MED14: variants seen among roughly 807,000 people sequenced by gnomAD.
MED14 encodes mediator of RNA polymerase II transcription subunit 14.
A neutral mutation model predicts 109.0 loss-of-function variants in MED14; 8 were observed. The ratio of observed to expected loss-of-function variants is 0.07; its 90% CI spans 0.04 to 0.13. The LOEUF (loss-of-function observed/expected upper bound fraction) is 0.13, where lower values mean the gene tolerates loss of function less well. MED14 is among the 10% of genes least tolerant of loss of function. The pLI is 1.00. For missense variants in MED14, 711 were observed against 1,142.4 expected, an observed-to-expected ratio of 0.62 and a Z score of 5.44; for synonymous variants, 399 against 408.7, an observed-to-expected ratio of 0.98 and a Z score of 0.29.
chrX:40,701,046 T>G, intron 12 of MED14, 119 bp downstream of exon 12: 1 of 450,845 alleles, frequency 2.2e-6, no homozygotes, highest in Non-Finnish European at 3.7e-6. Context: ...AAACGGCACT[T>G]AAGTTTCATG....
At chrX:40,701,633 C>A (rs1443573786) in intron 11 of MED14, among the ~76,000 whole-genome samples, 1 of 111,252 alleles carries the variant, frequency 9.0e-6, no homozygotes, top group Non-Finnish European at 1.9e-5. Context: ...ATCATAAAAA[C>A]AAAAAACTCC....
intron 28 of MED14, among the ~76,000 whole-genome samples, chrX:40,657,079 G>A (rs1251762632): frequency 9.0e-6 from 1 of 111,018 alleles, no homozygotes; most frequent in African/African-American, 3.3e-5. Context: ...AGTAGAGATG[G>A]AGTTTCACCA....
At chrX:40,694,206 AT>A (rs775555462) in intron 13 of MED14, among the ~76,000 whole-genome samples, 2 of 111,342 alleles carry the variant, frequency 1.8e-5, no homozygotes, top group East Asian at 5.7e-4. Context: ...GCCTATCTTT[AT>A]TTTTGTGATG....
Position 40,680,141 on chromosome X carries a change from G to C in MED14, c.2611-8C>G. The stretch of plus-strand genomic sequence containing the variant: ...CTGAGTATCAAACAGTACCTATAAG[G>C]AACAAACACAGTGAGAGCAGCCAGT... On this transcript the variant is annotated splice_region_variant and splice_polypyrimidine_tract_variant and intron_variant, in intron 20 of 30. Coordinates refer to ENST00000324817, the MANE Select transcript of MED14 (RefSeq NM_004229.4). 8.3e-7 allele frequency: 1 copy of C among 1,204,209 alleles called. No individual in the cohort carries two copies. Among genetic ancestry groups the C allele is most frequent in the Non-Finnish European group, 1.1e-6 (1 of 890,759 alleles).
At chrX:40,690,822 A>C (rs113162382) in intron 15 of MED14, among the ~76,000 whole-genome samples, 1 of 112,463 alleles carries the variant, frequency 8.9e-6, no homozygotes, top group Non-Finnish European at 1.9e-5. Flanking sequence ...TTGAGTAGCT[A>C]TAACAGAGAC....
chrX:40,705,558 A>G (rs183967797), intron 10 of MED14, among the ~76,000 whole-genome samples: 71 of 112,409 alleles, frequency 6.3e-4, no homozygotes, highest in African/African-American at 2.3e-3. Context: ...TAGGTATACA[A>G]AAATGGGGAA....
chrX:40,722,021 C>T (rs1931738258), intron 3 of MED14, among the ~76,000 whole-genome samples: 2 of 111,152 alleles, frequency 1.8e-5, no homozygotes, highest in African/African-American at 6.6e-5. Context: ...GCCCAGACTG[C>T]AAAGACTACA....
At chrX:40,698,711 TG>T (rs766531261) in intron 12 of MED14, among the ~76,000 whole-genome samples, 9 of 112,048 alleles carry the variant, frequency 8.0e-5, no homozygotes, top group Non-Finnish European at 1.7e-4. Flanking sequence ...AAAATCACAA[TG>T]AGATACTTCT....
chrX:40,735,604 G>A (rs1382196869), upstream of MED14: 8 of 511,092 alleles, frequency 1.6e-5, no homozygotes, highest in East Asian at 2.2e-4. Context: ...CGACCCCAGG[G>A]ACAGGAGCGA....
rs1456473588 is a variant in MED14, at chrX:40,679,983, T to G, written c.2761A>C (p.Met921Leu). ...CGGCAGTATATATCAATGCAATACATGTTCCTGAAGGCCAGTCTGATGTGG... is the reference window on the plus strand; with the variant it reads ...CGGCAGTATATATCAATGCAATACAGGTTCCTGAAGGCCAGTCTGATGTGG... The part of the protein sequence containing the change: ...STHIRLAFRN[M>L]YCIDIYCRSR... Residue 921 changes from methionine to leucine, a missense_variant, in exon 21 of 31, where the codon ATG (methionine) becomes CTG (leucine). Met to Leu is a conservative substitution (Grantham distance 15, BLOSUM62 2). Transcript: ENST00000324817. 8.3e-7 allele frequency: 1 copy of G among 1,211,018 alleles called. No individual in the cohort carries two copies.
At chrX:40,653,726 A>T (rs903010263) in intron 30 of MED14, 2 of 111,924 alleles carry the variant, frequency 1.8e-5, no homozygotes, top group African/African-American at 6.5e-5. Flanking sequence ...AGTCTACTCC[A>T]GTATTGCAGG....
intron 26 of MED14, 139 bp from the exon 27 acceptor site, chrX:40,659,746 G>T: frequency 2.0e-6 from 1 of 494,738 alleles, no homozygotes; most frequent in Non-Finnish European, 3.2e-6. Context: ...AGCATCAGCT[G>T]CTGGCAACAC....
chrX:40,723,092 G>A (rs141129292), intron 3 of MED14, among the ~76,000 whole-genome samples: 189 of 112,146 alleles, frequency 1.7e-3, no homozygotes, highest in African/African-American at 5.8e-3. Context: ...CACTGTAATT[G>A]TACTATGTAA....
rs762659949 is a variant in MED14, at chrX:40,665,370, C to T, written c.3266-881G>A. Among the ~76,000 whole-genome samples the T allele has an allele frequency of 1.6e-4, 18 of 110,824 alleles. No homozygotes were observed. In the South Asian group the frequency reaches 5.4e-3, roughly 34 times the overall value. On this transcript the variant is annotated intron_variant, in intron 24 of 30. Transcript: ENST00000324817. ...AAAACCCCATCTCTACAAAAAAATA[C>T]AAAAACTAGCCAGGCGTGGTTGTGC...
intron 12 of MED14, among the ~76,000 whole-genome samples, chrX:40,699,888 G>A (rs1219345731): frequency 1.8e-5 from 2 of 111,355 alleles, no homozygotes; most frequent in Non-Finnish European, 3.8e-5. Flanking sequence ...GCTCACGCCT[G>A]TAATCCCAGT....
intron 3 of MED14, among the ~76,000 whole-genome samples, chrX:40,724,294 C>T (rs751780023): frequency 8.9e-6 from 1 of 112,647 alleles, no homozygotes; most frequent in Admixed American, 9.4e-5. Flanking sequence ...AGAAACTCAA[C>T]AGAGAAACAT....
chrX:40,664,218 A>C, intron 25 of MED14, 89 bp downstream of exon 25: 1 of 829,550 alleles, frequency 1.2e-6, no homozygotes, highest in Non-Finnish European at 1.7e-6. Context: ...CTCAAAAAGT[A>C]GGTCATGACT....
chrX:40,692,933 A>G (rs746677521), intron 13 of MED14, 31 bp from the exon 14 acceptor site: 1 of 1,044,201 alleles, frequency 9.6e-7, no homozygotes, highest in Admixed American at 3.7e-5. Context: ...TAAGACTTAG[A>G]GAAATAAGAA....
intron 2 of MED14, among the ~76,000 whole-genome samples, chrX:40,728,580 C>CGTAT (rs775033326): frequency 9.1e-6 from 1 of 110,441 alleles, no homozygotes; most frequent in African/African-American, 3.3e-5. Context: ...GCCAAAGATA[C>CGTAT]GGTCAAGTAC....
Sources: allele counts gnomAD v4.1 joint callset (sites outside exome capture counted in the v4.1 genomes callset), GRCh38; gene constraint gnomAD v4.1.1; transcripts MANE v1.5; gene names NCBI Gene and HGNC (gene_info 2026-07-23, HGNC 2026-07-21).